Variants in SH2D4B observed in about 807,000 individuals in gnomAD.
SH2D4B encodes the protein SH2 domain containing 4B.
In SH2D4B, 45 loss-of-function variants were observed where a neutral mutation model predicts 61.5. That is an observed-to-expected ratio of 0.73 (90% confidence interval 0.58 to 0.94). SH2D4B has a LOEUF of 0.94. SH2D4B is among the 40% of genes least tolerant of loss of function. The probability of loss-of-function intolerance (pLI) is 0.00; values close to 1 mark genes in which losing one functional copy is unlikely to be tolerated. For synonymous variants in SH2D4B, 224 were observed against 220.4 expected (o/e 1.02, Z -0.14); for missense variants, 572 against 574.2 (o/e 1.00, Z 0.04).
chr10:80,577,507 A>G (rs1237372778), intron 3 of SH2D4B, among the ~76,000 whole-genome samples: 2 of 151,750 alleles, frequency 1.3e-5, no homozygotes, highest in Non-Finnish European at 2.9e-5. Flanking sequence ...GCTCACTGCA[A>G]GCTCCACCTC....
chr10:80,543,862 CT>C (rs1405202639), intron 1 of SH2D4B, among the ~76,000 whole-genome samples: 1 of 152,048 alleles, frequency 6.6e-6, no homozygotes, highest in Non-Finnish European at 1.5e-5. Context: ...CTTGGAGAAC[CT>C]TTGTGTAGAC....
At chr10:80,581,829 T>C (rs1842188452) in intron 3 of SH2D4B, among the ~76,000 whole-genome samples, 1 of 152,174 alleles carries the variant, frequency 6.6e-6, no homozygotes, top group Non-Finnish European at 1.5e-5. Context: ...TTGACTGTAT[T>C]CTTCCTGACA....
intron 6 of SH2D4B, among the ~76,000 whole-genome samples, chr10:80,618,854 A>T (rs1345599477): frequency 2.6e-5 from 4 of 152,170 alleles, no homozygotes; most frequent in Non-Finnish European, 5.9e-5. Context: ...TTCTGAGCTA[A>T]TAATTTCAGG....
chr10:80,631,525 A>T (rs1013731938), intron 6 of SH2D4B, among the ~76,000 whole-genome samples: 11 of 152,240 alleles, frequency 7.2e-5, no homozygotes, highest in African/African-American at 1.2e-4. Flanking sequence ...CTGGTATTAT[A>T]GGCATGAGCC....
At chr10:80,590,806 C>T (rs901631948) in intron 4 of SH2D4B, among the ~76,000 whole-genome samples, 4 of 151,914 alleles carry the variant, frequency 2.6e-5, no homozygotes, top group African/African-American at 9.7e-5. Context: ...GTGCAATCAT[C>T]GCCACTAATT....
chr10:80,610,094 T>A (rs929678188), intron 6 of SH2D4B, among the ~76,000 whole-genome samples: 1 of 152,200 alleles, frequency 6.6e-6, no homozygotes, highest in Non-Finnish European at 1.5e-5. Context: ...CCATCCTCTT[T>A]CCCATCTCAG....
intron 6 of SH2D4B, among the ~76,000 whole-genome samples, chr10:80,610,834 C>G (rs1263455969): frequency 6.6e-6 from 1 of 152,134 alleles, no homozygotes; most frequent in Non-Finnish European, 1.5e-5. Flanking sequence ...TTGGTTCAGA[C>G]TTTAGTCTGC....
chr10:80,558,617 C>T (rs1310520302), intron 1 of SH2D4B, among the ~76,000 whole-genome samples: 1 of 152,084 alleles, frequency 6.6e-6, no homozygotes, highest in Admixed American at 6.5e-5. Context: ...GTTGCTGGGA[C>T]TACAGGTGCG....
intron 3 of SH2D4B, among the ~76,000 whole-genome samples, chr10:80,584,241 G>A (rs1324045451): frequency 6.6e-6 from 1 of 152,212 alleles, no homozygotes; most frequent in Non-Finnish European, 1.5e-5. Context: ...ACTCAAGGAA[G>A]GTTGAGAGGT....
At chr10:80,550,463 A>C (rs375444826) in intron 1 of SH2D4B, among the ~76,000 whole-genome samples, 1 of 152,122 alleles carries the variant, frequency 6.6e-6, no homozygotes, top group South Asian at 2.1e-4. Context: ...GCATGGTGGC[A>C]GGCGCCTATA....
chr10:80,586,384 G>A (rs996797759), intron 3 of SH2D4B, among the ~76,000 whole-genome samples: 6 of 149,734 alleles, frequency 4.0e-5, no homozygotes, highest in Admixed American at 3.3e-4. Flanking sequence ...CTAGGGGATT[G>A]TAAATACACC....
chr10:80,589,540 T>A (rs1414343526), intron 4 of SH2D4B, among the ~76,000 whole-genome samples: 2 of 152,116 alleles, frequency 1.3e-5, no homozygotes, highest in Non-Finnish European at 2.9e-5. Flanking sequence ...CCTTGTCTCA[T>A]ATTCTACCTT....
chr10:80,541,226 G>A (rs1339966890), intron 1 of SH2D4B, among the ~76,000 whole-genome samples: 1 of 152,132 alleles, frequency 6.6e-6, no homozygotes, highest in South Asian at 2.1e-4. Flanking sequence ...CCCTTCTTTG[G>A]GTTTGCCCAG....
intron 6 of SH2D4B, among the ~76,000 whole-genome samples, chr10:80,615,517 A>G (rs1842650747): frequency 1.3e-5 from 2 of 152,116 alleles, no homozygotes; most frequent in African/African-American, 2.4e-5. Flanking sequence ...CTTTATTTTA[A>G]ATCTCACCCC....
At chr10:80,609,395 T>C in intron 5 of SH2D4B, 29 bp from the exon 6 acceptor site, 1 of 1,605,520 alleles carries the variant, frequency 6.2e-7, no homozygotes, top group Non-Finnish European at 8.5e-7. Context: ...CCCTGACTCT[T>C]CTGCCCTCCC....
At position 80,538,444 on chromosome 10, in the gene SH2D4B, G is replaced by A. The variant is rs549626359; in HGVS notation, c.113G>A (p.Arg38His). ...FYKMREEQLRRWKERETWEAL... is the reference protein window; with the variant it reads ...FYKMREEQLRHWKERETWEAL... ...AAAATGCGGGAGGAGCAGCTGAGGC[G>A]CTGGAAGGAGCGGGAGACTTGGGAG... The change falls in exon 1 of 8, where the codon CGC (arginine) becomes CAC (histidine). Residue 38 changes from arginine to histidine, a missense_variant. Coordinates refer to ENST00000646907, the MANE Select transcript of SH2D4B (RefSeq NM_001388272.1). This position sits in a 1 kb window ranked among gnomAD's most constrained non-coding sequence, Gnocchi z 4.8. 7.3e-6 allele frequency: 11 copies of A among 1,498,286 alleles called. No individual in the cohort carries two copies. Among genetic ancestry groups the A allele is most frequent in the African/African-American group, 4.2e-5 (3 of 71,616 alleles). 92.8% of individuals were successfully genotyped at this position (1,498,286 alleles called of 1,614,324 possible).
intron 7 of SH2D4B, among the ~76,000 whole-genome samples, chr10:80,639,489 G>A (rs1589366882): frequency 6.6e-6 from 1 of 152,280 alleles, no homozygotes; most frequent in East Asian, 1.9e-4. Context: ...TATAAATTTA[G>A]GATAGTTAGC....
chr10:80,544,142 T>G (rs936591244), intron 1 of SH2D4B, among the ~76,000 whole-genome samples: 1 of 152,108 alleles, frequency 6.6e-6, no homozygotes, highest in African/African-American at 2.4e-5. Context: ...CACACTGCCT[T>G]TATGAGCTGT....
intron 4 of SH2D4B, among the ~76,000 whole-genome samples, chr10:80,593,405 C>A (rs1254422117): frequency 1.3e-5 from 2 of 152,180 alleles, no homozygotes; most frequent in East Asian, 1.9e-4. Flanking sequence ...AGTGTAGAAG[C>A]CTTGCCCTTG....
Sources: allele counts gnomAD v4.1 joint callset (sites outside exome capture counted in the v4.1 genomes callset), GRCh38; gene constraint gnomAD v4.1.1; non-coding constraint Gnocchi (gnomAD v3.1); transcripts MANE v1.5; gene names NCBI Gene and HGNC (gene_info 2026-07-23, HGNC 2026-07-21).